AKT3: variants seen among roughly 807,000 people sequenced by gnomAD.
AKT3 encodes AKT serine/threonine kinase 3, also known as RAC-gamma serine/threonine-protein kinase.
A neutral mutation model predicts 65.3 loss-of-function variants in AKT3; 15 were observed. That is an observed-to-expected ratio of 0.23 (90% CI 0.15 to 0.35). The LOEUF (loss-of-function observed/expected upper bound fraction) is 0.35. Ranked by LOEUF, AKT3 falls within the 10% of genes least tolerant of loss-of-function variation. The pLI, the probability that AKT3 is intolerant of heterozygous loss-of-function variation, is 1.00. For missense variants in AKT3, 243 were observed against 576.5 expected (o/e 0.42, Z 5.92); for synonymous variants, 206 against 183.8 (o/e 1.12, Z -0.98).
rs192437955 is a variant in AKT3 at position 243,501,559 on chromosome 1, C to T, written c.*3690G>A. 2.7e-4 allele frequency: 63 copies of T among 233,214 alleles called. No individual in the cohort carries two copies. Among genetic ancestry groups the T allele is most frequent in the Non-Finnish European group, 4.0e-4 (47 of 118,020 alleles). The allele number at this position is 233,214 out of a possible 1,614,324, so 14.4% of individuals were successfully genotyped here. Reference sequence around the variant, plus strand: ...AGCCGTTCATCAAAGTTTGCACAACCGCACTACTGCCATTTCACTGAAGTA... The same window carrying T: ...AGCCGTTCATCAAAGTTTGCACAACTGCACTACTGCCATTTCACTGAAGTA... On this transcript the variant is annotated 3_prime_UTR_variant, in exon 14 of 14. Transcript: ENST00000673466.
In AKT3 at chr1:243,500,708, C is replaced by T; in HGVS notation, c.*4541G>A. 4.4e-6 allele frequency: 1 copy of T among 229,856 alleles called. No individual in the cohort carries two copies. The allele number at this position is 229,856 out of a possible 1,614,324, so 14.2% of individuals were successfully genotyped here. On this transcript the variant is annotated 3_prime_UTR_variant, in exon 14 of 14. Coordinates refer to ENST00000673466, the MANE Select transcript of AKT3 (RefSeq NM_005465.7). ...GCCATCATCCTCATCACCATCTCAA[C>T]ACAGAGCTGATGTCACCATATGCTC...
intron 2 of AKT3, among the ~76,000 whole-genome samples, chr1:243,837,548 T>A (rs1487679792): frequency 6.6e-6 from 1 of 152,212 alleles, no homozygotes; most frequent in Non-Finnish European, 1.5e-5. Flanking sequence ...AAGTCCAAAT[T>A]GGTAATATAT....
chr1:243,684,079 A>G (rs987664273), intron 3 of AKT3, among the ~76,000 whole-genome samples: 51 of 152,180 alleles, frequency 3.4e-4, no homozygotes, highest in Middle Eastern at 3.4e-3. Flanking sequence ...TCTCTGATCC[A>G]ATGGTGTTAG....
intron 5 of AKT3, among the ~76,000 whole-genome samples, chr1:243,639,237 T>A (rs1680197173): frequency 6.6e-6 from 1 of 152,166 alleles, no homozygotes; most frequent in African/African-American, 2.4e-5. Flanking sequence ...GAGTCTGTGG[T>A]TAAATACCTT....
Position 243,770,532 on chromosome 1 carries a change from G to A in AKT3, c.46+72593C>T, listed in dbSNP as rs150098576. 2.6e-5 allele frequency among the ~76,000 whole-genome samples: 4 copies of A among 152,120 alleles called. No homozygotes were observed. In the East Asian group the frequency reaches 7.7e-4, roughly 29 times the overall value. On this transcript the variant is annotated intron_variant, in intron 2 of 13. Transcript: ENST00000673466. ...TGTCTGGGAGAAGCTGCATGTATAT[G>A]AGAAGACAGAGATAGGCATGTATAT... is the stretch of plus-strand genomic sequence containing the variant.
At chr1:243,711,361 T>C (rs566702579) in intron 2 of AKT3, among the ~76,000 whole-genome samples, 2 of 152,206 alleles carry the variant, frequency 1.3e-5, no homozygotes, top group South Asian at 4.2e-4. Context: ...AAATTTGAAA[T>C]CATCATCACT....
At chr1:243,521,989 T>G (rs1670746072) in intron 12 of AKT3, among the ~76,000 whole-genome samples, 1 of 152,220 alleles carries the variant, frequency 6.6e-6, no homozygotes, top group African/African-American at 2.4e-5. Flanking sequence ...ATACATTATT[T>G]GAAGATCTCA....
intron 10 of AKT3, among the ~76,000 whole-genome samples, chr1:243,559,212 A>G (rs2148479007): frequency 6.6e-6 from 1 of 152,296 alleles, no homozygotes; most frequent in East Asian, 1.9e-4. Flanking sequence ...AAAGAGCAAA[A>G]GTACATTCAT....
At chr1:243,556,305 A>C (rs1166118407) in intron 10 of AKT3, among the ~76,000 whole-genome samples, 1 of 152,168 alleles carries the variant, frequency 6.6e-6, no homozygotes, top group Non-Finnish European at 1.5e-5. Flanking sequence ...TCAAAGAATG[A>C]TATTGAATGA....
chr1:243,551,063 A>C (rs1272012748), intron 11 of AKT3, among the ~76,000 whole-genome samples: 1 of 152,006 alleles, frequency 6.6e-6, no homozygotes, highest in Non-Finnish European at 1.5e-5. Context: ...GAACGCTATC[A>C]AACGGAACAC....
In AKT3 at chr1:243,503,031, A is replaced by G. The variant is rs1026982631; in HGVS notation, c.*2218T>C. On this transcript the variant is annotated 3_prime_UTR_variant, in exon 14 of 14. Transcript: ENST00000673466. ...GTTTCTTTCTTATATAATGGATGCA[A>G]GACAACTTAAAGAACATACCTTCTA... The G allele has an allele frequency of 2.1e-5, 5 of 233,496 alleles. No individual in the cohort carries two copies. The highest frequency in any genetic ancestry group is 4.2e-5 in the Non-Finnish European group (5 of 118,058). The allele number at this position is 233,496 out of a possible 1,614,324, so 14.5% of individuals were successfully genotyped here.
intron 4 of AKT3, among the ~76,000 whole-genome samples, chr1:243,660,998 A>C (rs1357791366): frequency 6.6e-6 from 1 of 152,222 alleles, no homozygotes; most frequent in Non-Finnish European, 1.5e-5. Context: ...TCCAACTTAC[A>C]AGGGATGTGA....
At chr1:243,657,126 A>G (rs1331198632) in intron 4 of AKT3, among the ~76,000 whole-genome samples, 1 of 152,202 alleles carries the variant, frequency 6.6e-6, no homozygotes, top group Non-Finnish European at 1.5e-5. Flanking sequence ...TCATGAGGTC[A>G]TGATAGAACT....
rs368892158 is a variant in AKT3 at position 243,738,361 on chromosome 1, T to C, written c.47-42645A>G. Among the ~76,000 whole-genome samples, 3 of 152,186 alleles carry C rather than the reference T, an allele frequency of 2.0e-5. No homozygotes were observed. The East Asian group carries it at 5.8e-4, about 29-fold the overall frequency. On this transcript the variant is annotated intron_variant, in intron 2 of 13. Transcript: ENST00000673466. ...CAACAAACTGTCTCGACTACTTTCA[T>C]AAGCTTAAGAGACTGGAAAATGAAG...
intron 3 of AKT3, among the ~76,000 whole-genome samples, chr1:243,686,826 G>A (rs956004753): frequency 9.3e-5 from 14 of 150,356 alleles, no homozygotes; most frequent in African/African-American, 3.4e-4. Flanking sequence ...ACCAAGCCCA[G>A]CTAATCTTTG....
chr1:243,634,794 T>C (rs1490976553), intron 6 of AKT3, among the ~76,000 whole-genome samples: 1 of 151,882 alleles, frequency 6.6e-6, no homozygotes, highest in African/African-American at 2.4e-5. Context: ...ACCATCAAAA[T>C]ATATGAGGCA....
At chr1:243,808,905 T>C (rs994366161) in intron 2 of AKT3, among the ~76,000 whole-genome samples, 12 of 152,156 alleles carry the variant, frequency 7.9e-5, no homozygotes, top group African/African-American at 2.4e-4. Flanking sequence ...GAATTTTCAA[T>C]CCAGAATTTC....
At chr1:243,606,147 G>A (rs991578929) in intron 8 of AKT3, among the ~76,000 whole-genome samples, 21 of 152,200 alleles carry the variant, frequency 1.4e-4, no homozygotes, top group African/African-American at 5.1e-4. Flanking sequence ...ACAGCAGCAT[G>A]AGAACAGAGA....
At chr1:243,652,314 T>G (rs536776378) in intron 4 of AKT3, among the ~76,000 whole-genome samples, 1 of 152,286 alleles carries the variant, frequency 6.6e-6, no homozygotes, top group African/African-American at 2.4e-5. Flanking sequence ...CCTCCCATAG[T>G]GCTGGAATTA....
Sources: allele counts gnomAD v4.1 joint callset (sites outside exome capture counted in the v4.1 genomes callset), GRCh38; gene constraint gnomAD v4.1.1; transcripts MANE v1.5; gene names NCBI Gene and HGNC (gene_info 2026-07-23, HGNC 2026-07-21).